The following MYO18A variants were observed in gnomAD, a reference collection of about 807,000 sequenced individuals.
MYO18A encodes unconventional myosin-XVIIIa.
Under a neutral mutation model 235.8 loss-of-function variants are expected in MYO18A, and 78 were observed. The observed-to-expected ratio is 0.33, with a 90% CI of 0.28 to 0.40. The LOEUF is 0.40. MYO18A is among the 10% of genes least tolerant of loss of function. The probability of loss-of-function intolerance (pLI) is 1.00; values close to 1 mark genes in which losing one functional copy is unlikely to be tolerated. For missense variants in MYO18A, 2,215 were observed against 2,699.3 expected (o/e 0.82, Z 3.98); for synonymous variants, 977 against 1,077.8 (o/e 0.91, Z 1.83).
intron 26 of MYO18A, 31 bp from the exon 27 acceptor site, chr17:29,097,381 GAGGTGCTGAGAGTCCCCAGA>G: frequency 6.2e-7 from 1 of 1,602,018 alleles, no homozygotes; most frequent in Non-Finnish European, 8.5e-7. Flanking sequence ...AGGGAGGATG[GAGGTGCTGAGAGTCCCCAGA>G]AGGGGCAGAG....
chr17:29,097,605 T>C (rs2066551394), intron 26 of MYO18A, among the ~76,000 whole-genome samples, 183 bp downstream of exon 26: 2 of 152,256 alleles, frequency 1.3e-5, no homozygotes, highest in African/African-American at 4.8e-5. Flanking sequence ...GTCATGATCA[T>C]GGTTGTTTCA....
chr17:29,121,940 C>T lies in MYO18A; in HGVS notation c.1105G>A (p.Glu369Lys), dbSNP rs1418136933. Residue 369 changes from glutamate to lysine, a missense_variant, in exon 4 of 42, where the codon GAG becomes AAG. Coordinates refer to ENST00000527372, the MANE Select transcript of MYO18A (RefSeq NM_078471.4). The surrounding 1 kb of genome is among the most constrained non-coding windows in gnomAD (Gnocchi z 4.2). ...GFSLASQLKSEELNLPEGKVR... is the reference protein window; with the variant it reads ...GFSLASQLKSKELNLPEGKVR... Reference sequence around the variant, plus strand: ...TTCCCCTCAGGCAAGTTGAGCTCCTCAGATTTGAGTTGACTGGCTGCAGGG... The same window carrying T: ...TTCCCCTCAGGCAAGTTGAGCTCCTTAGATTTGAGTTGACTGGCTGCAGGG... The T allele has an allele frequency of 1.2e-6, 2 of 1,613,930 alleles. No homozygotes were observed. Among genetic ancestry groups the T allele is most frequent in the Admixed American group, 3.3e-5 (2 of 60,016 alleles).
chr17:29,130,299 C>CAAAAAAAAAAA (rs564370108), intron 2 of MYO18A, among the ~76,000 whole-genome samples: 194 of 55,814 alleles, frequency 3.5e-3, no homozygotes, highest in Non-Finnish European at 3.9e-3. Context: ...AACCCTGTCT[C>CAAAAAAAAAAA]AAAAAAAAAA....
chr17:29,099,657 G>T lies in MYO18A; in HGVS notation c.3613C>A (p.Arg1205Ser). ...FQAACRGYLA[R>S]QHFKKRKIQD... The stretch of plus-strand genomic sequence containing the variant: ...ACCTTTCTCTTCTTGAAGTGCTGGC[G>T]GGCCAGGTAGCCCCTGCAGGCTGCT... Residue 1205 changes from arginine to serine, a missense_variant, in exon 22 of 42, where the codon CGC (arginine) becomes AGC (serine). Arg to Ser is a moderately radical substitution (Grantham distance 110). Transcript: ENST00000527372. 6.2e-7 allele frequency: 1 copy of T among 1,613,706 alleles called. No individual in the cohort carries two copies. The highest frequency in any genetic ancestry group is 8.5e-7 in the Non-Finnish European group (1 of 1,179,798).
intron 18 of MYO18A, 100 bp from the exon 19 acceptor site, chr17:29,110,201 G>T: frequency 6.7e-7 from 1 of 1,490,086 alleles, no homozygotes; most frequent in South Asian, 1.3e-5. Context: ...GGGTAGCAGC[G>T]GCCCCAGCAC....
In MYO18A at chr17:29,131,359, C is replaced by T. The variant is rs1445877218; in HGVS notation, c.1000-9106G>A. 2.1e-5 allele frequency: 21 copies of T among 981,970 alleles called. No homozygotes were observed. In the South Asian group the frequency reaches 5.2e-4, roughly 24 times the overall value. 60.8% of individuals were successfully genotyped at this position (981,970 alleles called of 1,614,324 possible). On this transcript the variant is annotated intron_variant, in intron 2 of 41. Coordinates refer to ENST00000527372, the MANE Select transcript of MYO18A (RefSeq NM_078471.4). ...TGCCCGCACACACACACGCATGCCT[C>T]GGAGAACTCAAGGATGCACTTACAG...
Position 29,140,193 on chromosome 17 carries a change from G to A in MYO18A, c.1000-17940C>T. 1 of 403,914 alleles carries A rather than the reference G, an allele frequency of 2.5e-6. No homozygotes were observed. Among genetic ancestry groups the A allele is most frequent in the Non-Finnish European group, 3.9e-6 (1 of 254,114 alleles). 25.0% of individuals were successfully genotyped at this position (403,914 alleles called of 1,614,324 possible). A position where few individuals can be genotyped will look rare whatever the true frequency, so the allele number is the denominator to read the frequency against. On this transcript the variant is annotated intron_variant, in intron 2 of 41. Transcript: ENST00000527372. The surrounding 1 kb of genome is among the most constrained non-coding windows in gnomAD (Gnocchi z 4.2). ...CTCCCTTCTTACCAAGAAGCTCGGAGAGGAGCCCCAAGGCTGCCCCACCCC... is the reference window on the plus strand; with the variant it reads ...CTCCCTTCTTACCAAGAAGCTCGGAAAGGAGCCCCAAGGCTGCCCCACCCC...
intron 41 of MYO18A, chr17:29,080,145 C>T (rs2066083228): frequency 5.1e-6 from 5 of 985,828 alleles, no homozygotes; most frequent in Non-Finnish European, 6.0e-6. Flanking sequence ...CAGCTCGCTC[C>T]GGGGGGTCCA....
In MYO18A at chr17:29,092,448, C is replaced by T; in HGVS notation, c.5082G>A (p.Glu1694=). The part of the protein sequence containing the change: ...EIAQLKNQLE[E]SEFTCAAAVK... ...CGGCTGCCGCACAGGTGAACTCTGACTCCTCCAGCTGGACACAGACCACCC... is the reference window on the plus strand; with the variant it reads ...CGGCTGCCGCACAGGTGAACTCTGATTCCTCCAGCTGGACACAGACCACCC... The change falls in exon 34 of 42, where the codon GAG becomes GAA. Residue 1694 remains glutamate (E), a synonymous_variant. Transcript: ENST00000527372. 1 of 1,611,262 alleles carries T rather than the reference C, an allele frequency of 6.2e-7. No homozygotes were observed. Among genetic ancestry groups the T allele is most frequent in the Non-Finnish European group, 8.5e-7 (1 of 1,179,590 alleles).
At chr17:29,164,114 TC>T (rs1477372474) in intron 2 of MYO18A, among the ~76,000 whole-genome samples, 3 of 152,186 alleles carry the variant, frequency 2.0e-5, no homozygotes, top group African/African-American at 7.2e-5. Flanking sequence ...GGTCTCGAAC[TC>T]CCAACCTCAA....
At position 29,124,308 on chromosome 17, in the gene MYO18A, C is replaced by T. The variant is rs141704309; in HGVS notation, c.1000-2055G>A. Among the ~76,000 whole-genome samples, 1,023 of 152,312 alleles carry T rather than the reference C, an allele frequency of 6.7e-3. 6 individuals are homozygous for T. The highest frequency in any genetic ancestry group is 9.2e-3 in the Non-Finnish European group (627 of 68,032). ...GAAGAGGGCAGAGATTCTGCCTTTC[C>T]AGCTTTCTCTCTCCAGAGTGAGCAG... On this transcript the variant is annotated intron_variant, in intron 2 of 41. Transcript: ENST00000527372.
intron 28 of MYO18A, among the ~76,000 whole-genome samples, chr17:29,095,449 CT>C (rs754656243): frequency 6.6e-6 from 1 of 152,256 alleles, no homozygotes; most frequent in African/African-American, 2.4e-5. Context: ...CACTAACTCA[CT>C]TTCCACAGTT....
intron 21 of MYO18A, among the ~76,000 whole-genome samples, chr17:29,100,294 C>T (rs1292250006): frequency 6.6e-6 from 1 of 152,134 alleles, no homozygotes; most frequent in African/African-American, 2.4e-5. Flanking sequence ...AGAGGAAAAG[C>T]GGGGAGAATG....
At chr17:29,080,256 C>T in intron 41 of MYO18A, 3 of 985,956 alleles carry the variant, frequency 3.0e-6, no homozygotes, top group Non-Finnish European at 3.6e-6. Context: ...AGCTCAAGAC[C>T]TCGTTGACGG....
At chr17:29,129,732 T>C (rs2067416210) in intron 2 of MYO18A, among the ~76,000 whole-genome samples, 1 of 152,246 alleles carries the variant, frequency 6.6e-6, no homozygotes, top group Non-Finnish European at 1.5e-5. Flanking sequence ...ACCTGGGAGC[T>C]GCTGCCTCTG....
intron 21 of MYO18A, among the ~76,000 whole-genome samples, chr17:29,100,668 C>A (rs1006176950): frequency 2.0e-5 from 3 of 152,200 alleles, no homozygotes; most frequent in Admixed American, 6.5e-5. Context: ...GGCAGAGACA[C>A]CTAGGTATAG....
intron 21 of MYO18A, among the ~76,000 whole-genome samples, 191 bp downstream of exon 21, chr17:29,103,408 A>G (rs2066703464): frequency 6.6e-6 from 1 of 152,168 alleles, no homozygotes; most frequent in Admixed American, 6.5e-5. Context: ...TGAAACCTCT[A>G]GCTCCCTGGC....
At position 29,097,284 on chromosome 17, in the gene MYO18A, T is replaced by G; in HGVS notation, c.4169A>C (p.Gln1390Pro). The change falls in exon 27 of 42, where the codon CAG becomes CCG. Residue 1390 changes from glutamine (Q) to proline (P), a missense_variant. By Grantham distance (76) the Gln-to-Pro change is moderately conservative. Coordinates refer to ENST00000527372, the MANE Select transcript of MYO18A (RefSeq NM_078471.4). ...CTCCAGCTTGTCCTCAAACTCCTGC[T>G]GGAGCCGTTTCTTGGTGAAGTCCAC... Reference protein sequence around the residue: ...REVDFTKKRLQQEFEDKLEVE... With the variant: ...REVDFTKKRLPQEFEDKLEVE... 1 of 1,611,354 alleles carries G rather than the reference T, an allele frequency of 6.2e-7. No homozygotes were observed. Among genetic ancestry groups the G allele is most frequent in the Non-Finnish European group, 8.5e-7 (1 of 1,179,870 alleles).
intron 36 of MYO18A, 23 bp from the exon 37 acceptor site, chr17:29,090,121 G>A (rs1242311164): frequency 1.2e-6 from 2 of 1,605,354 alleles, no homozygotes; most frequent in East Asian, 2.2e-5. Flanking sequence ...GACAGGAAGA[G>A]AAGAAAGAAC....
Sources: allele counts gnomAD v4.1 joint callset (sites outside exome capture counted in the v4.1 genomes callset), GRCh38; gene constraint gnomAD v4.1.1; non-coding constraint Gnocchi (gnomAD v3.1); transcripts MANE v1.5; gene names NCBI Gene and HGNC (gene_info 2026-07-23, HGNC 2026-07-21).